The following SRGAP3 variants were observed in gnomAD, a reference collection of about 807,000 sequenced individuals.
SRGAP3 encodes SLIT-ROBO Rho GTPase activating protein 3, also known as SLIT-ROBO Rho GTPase-activating protein 3.
In SRGAP3, 39 loss-of-function variants were observed where a neutral mutation model predicts 121.1. The observed-to-expected ratio is 0.32, with a 90% confidence interval of 0.25 to 0.42. SRGAP3 has a LOEUF of 0.42. Ranked by LOEUF, SRGAP3 falls within the 10% of genes least tolerant of loss-of-function variation. The pLI is 1.00. For missense variants in SRGAP3, 1,213 were observed against 1,470.6 expected (o/e 0.82, Z 2.86); for synonymous variants, 601 against 570.0 (o/e 1.05, Z -0.77).
At chr3:9,282,054 C>G (rs971618428) in intron 3 of SRGAP3, among the ~76,000 whole-genome samples, 1 of 152,202 alleles carries the variant, frequency 6.6e-6, no homozygotes, top group Non-Finnish European at 1.5e-5. Context: ...ATAATCCTAC[C>G]TCTTTCCAAA....
intron 1 of SRGAP3, among the ~76,000 whole-genome samples, chr3:9,221,563 A>T (rs58993439): frequency 0.066 from 9,976 of 152,118 alleles, 406 homozygotes; most frequent in East Asian, 0.18. Context: ...AATATGAAAA[A>T]ATTTTTTAAA....
At chr3:9,337,440 C>T (rs990944290) in intron 1 of SRGAP3, among the ~76,000 whole-genome samples, 3 of 152,150 alleles carry the variant, frequency 2.0e-5, no homozygotes, top group South Asian at 2.1e-4. Context: ...AATTTAATTG[C>T]CATTTTGATG....
intron 1 of SRGAP3, among the ~76,000 whole-genome samples, chr3:9,228,784 G>A (rs548612487): frequency 2.6e-3 from 400 of 152,332 alleles, no homozygotes; most frequent in Non-Finnish European, 4.1e-3. Context: ...ACTCTAGGCC[G>A]GGCGCGGTGG....
chr3:9,062,526 C>A (rs1244708726), intron 5 of SRGAP3, among the ~76,000 whole-genome samples: 1 of 152,152 alleles, frequency 6.6e-6, no homozygotes, highest in East Asian at 1.9e-4. Context: ...CACAGTCACT[C>A]CCCATTTTCC....
chr3:9,216,296 T>C (rs1710903), intron 1 of SRGAP3, among the ~76,000 whole-genome samples: 28,031 of 152,086 alleles, frequency 0.18, 2,699 homozygotes, highest in East Asian at 0.35. Context: ...TACAAAATTA[T>C]GGGCATACGT....
At chr3:9,356,102 A>G (rs1349219990) in intron 1 of SRGAP3, among the ~76,000 whole-genome samples, 2 of 152,118 alleles carry the variant, frequency 1.3e-5, no homozygotes, top group Non-Finnish European at 2.9e-5. Context: ...GGTGGCACAC[A>G]TTCAAACCAC....
At chr3:9,105,825 C>T (rs953852271) in intron 2 of SRGAP3, among the ~76,000 whole-genome samples, 24 of 152,182 alleles carry the variant, frequency 1.6e-4, no homozygotes, top group African/African-American at 5.8e-4. Context: ...TGAAGATATC[C>T]TAAGTTGAAA....
At chr3:9,129,469 A>C (rs1273421595) in intron 1 of SRGAP3, among the ~76,000 whole-genome samples, 1 of 122,282 alleles carries the variant, frequency 8.2e-6, no homozygotes, top group Non-Finnish European at 1.6e-5. Context: ...GTAGGTAAGC[A>C]AAAAAAAAAA....
Position 9,064,465 on chromosome 3 carries a change from G to T in SRGAP3, c.603C>A (p.Asn201Lys). Reference sequence around the variant, plus strand: ...GGGGCCGGTCCTCGTGCCGGAGCAGGTTCATGCTGAGGTCTCCTGACTTAT... The same window carrying T: ...GGGGCCGGTCCTCGTGCCGGAGCAGTTTCATGCTGAGGTCTCCTGACTTAT... ...QFNKSGDLSM[N>K]LLRHEDRPQR... Residue 201 changes from asparagine to lysine, a missense_variant, in exon 5 of 22, where the codon AAC (asparagine) becomes AAA (lysine). Physicochemically the swap from Asn to Lys is moderately conservative, Grantham distance 94. Coordinates refer to ENST00000383836, the MANE Select transcript of SRGAP3 (RefSeq NM_014850.4). 6.2e-7 allele frequency: 1 copy of T among 1,614,230 alleles called. No homozygotes were observed. The highest frequency in any genetic ancestry group is 8.5e-7 in the Non-Finnish European group (1 of 1,180,046).
intron 6 of SRGAP3, chr3:9,059,687 G>A (rs528638011): frequency 2.3e-4 from 46 of 201,106 alleles, no homozygotes; most frequent in Non-Finnish European, 3.6e-4. Context: ...GCGGGTACTC[G>A]GGAGTCAGTG....
At chr3:9,125,142 C>T (rs960119902) in intron 1 of SRGAP3, among the ~76,000 whole-genome samples, 3 of 152,212 alleles carry the variant, frequency 2.0e-5, no homozygotes, top group African/African-American at 7.2e-5. Context: ...GTTTCCAAAA[C>T]TTGAATCACT....
intron 3 of SRGAP3, among the ~76,000 whole-genome samples, chr3:9,097,247 TC>T (rs1948023910): frequency 6.6e-6 from 1 of 151,978 alleles, no homozygotes; most frequent in South Asian, 2.1e-4. Flanking sequence ...CACCTTGGCC[TC>T]CCAAAGCTCT....
intron 10 of SRGAP3, among the ~76,000 whole-genome samples, chr3:9,046,455 G>A (rs1254478675): frequency 6.6e-6 from 1 of 152,230 alleles, no homozygotes; most frequent in Non-Finnish European, 1.5e-5. Context: ...GGCACAGTAA[G>A]GAAAGGGAGA....
chr3:9,008,022 A>G (rs955658742), intron 18 of SRGAP3: 2 of 152,258 alleles, frequency 1.3e-5, no homozygotes, highest in African/African-American at 4.8e-5. Context: ...TGGCTCTCCC[A>G]GACTGTGGCT....
chr3:9,159,724 G>A (rs182075730), intron 1 of SRGAP3, among the ~76,000 whole-genome samples: 1 of 152,250 alleles, frequency 6.6e-6, no homozygotes. Flanking sequence ...ATATGCCCCT[G>A]AGAGTAAGAA....
intron 19 of SRGAP3, 66 bp from the exon 20 acceptor site, chr3:8,993,121 C>T (rs1473102646): frequency 3.1e-6 from 5 of 1,606,368 alleles, no homozygotes; most frequent in East Asian, 2.2e-5. Flanking sequence ...TACAGAGCTC[C>T]CTGATATGTG....
At chr3:8,997,936 A>G (rs1394012449) in intron 18 of SRGAP3, among the ~76,000 whole-genome samples, 1 of 151,370 alleles carries the variant, frequency 6.6e-6, no homozygotes, top group Non-Finnish European at 1.5e-5. Context: ...GCTGGAGTGC[A>G]GTGGTGCAAT....
chr3:9,071,122 G>A (rs977047534), intron 4 of SRGAP3, among the ~76,000 whole-genome samples: 1 of 152,070 alleles, frequency 6.6e-6, no homozygotes, highest in Non-Finnish European at 1.5e-5. Flanking sequence ...GCTGAAAGGT[G>A]GAAGAACATC....
intron 18 of SRGAP3, among the ~76,000 whole-genome samples, chr3:8,997,113 C>T (rs903462669): frequency 1.3e-5 from 2 of 152,212 alleles, no homozygotes; most frequent in African/African-American, 4.8e-5. Flanking sequence ...ACAGTAATAA[C>T]AGCTCCCATT....
Sources: gnomAD v4.1 joint callset for allele counts (sites outside exome capture counted in the v4.1 genomes callset) on GRCh38, gnomAD v4.1.1 for gene constraint, MANE v1.5 for transcripts, NCBI Gene and HGNC (gene_info 2026-07-23, HGNC 2026-07-21) for gene names.